Variants in CTNNBL1 observed in about 807,000 individuals in gnomAD.
CTNNBL1 encodes catenin beta like 1.
A neutral mutation model predicts 72.7 loss-of-function variants in CTNNBL1; 31 were observed. The ratio of observed to expected loss-of-function variants is 0.43; its 90% CI spans 0.32 to 0.58. The LOEUF (loss-of-function observed/expected upper bound fraction) is 0.58. Ranked by LOEUF, CTNNBL1 falls within the 20% of genes least tolerant of loss-of-function variation. The pLI is 0.08. For synonymous variants in CTNNBL1, 240 were observed against 267.3 expected (o/e 0.90, Z 1.00); for missense variants, 534 against 725.1 (o/e 0.74, Z 3.03).
intron 11 of CTNNBL1, among the ~76,000 whole-genome samples, chr20:37,830,879 G>A (rs976714488): frequency 4.9e-4 from 74 of 152,274 alleles, no homozygotes; most frequent in African/African-American, 1.8e-3. Flanking sequence ...GAAAGTGAAA[G>A]AATGGTTGCA....
intron 10 of CTNNBL1, among the ~76,000 whole-genome samples, chr20:37,786,657 C>G (rs2073677668): frequency 6.6e-6 from 1 of 151,922 alleles, no homozygotes; most frequent in Non-Finnish European, 1.5e-5. Context: ...ATACCTTTCC[C>G]CCGCCTTTAA....
At chr20:37,733,513 A>G (rs1219060053) in intron 2 of CTNNBL1, among the ~76,000 whole-genome samples, 1 of 152,184 alleles carries the variant, frequency 6.6e-6, no homozygotes. Flanking sequence ...CAGCTTAGGG[A>G]AGGAGATTCC....
chr20:37,870,613 C>A (rs2072575980), intron 15 of CTNNBL1, among the ~76,000 whole-genome samples: 1 of 152,226 alleles, frequency 6.6e-6, no homozygotes, highest in Non-Finnish European at 1.5e-5. Context: ...CCTGCCCAAT[C>A]CAGGCCACTG....
At chr20:37,789,750 T>G (rs1293470708) in intron 10 of CTNNBL1, among the ~76,000 whole-genome samples, 1 of 152,242 alleles carries the variant, frequency 6.6e-6, no homozygotes, top group Non-Finnish European at 1.5e-5. Flanking sequence ...TTTAACAGTA[T>G]GTCCTTGTAT....
At chr20:37,760,276 TAC>T (rs1334268263) in intron 5 of CTNNBL1, among the ~76,000 whole-genome samples, 5 of 152,204 alleles carry the variant, frequency 3.3e-5, no homozygotes, top group African/African-American at 9.7e-5. Context: ...ATGATTAAAT[TAC>T]AGTCATTTTT....
chr20:37,759,626 A>G (rs924385254), intron 5 of CTNNBL1, among the ~76,000 whole-genome samples: 2 of 152,080 alleles, frequency 1.3e-5, no homozygotes, highest in African/African-American at 4.8e-5. Flanking sequence ...TTTAGTTTTT[A>G]TTTTTATTAT....
At chr20:37,793,853 G>A (rs900443574) in intron 10 of CTNNBL1, among the ~76,000 whole-genome samples, 5 of 151,318 alleles carry the variant, frequency 3.3e-5, no homozygotes, top group Admixed American at 1.3e-4. Flanking sequence ...TGATCTCAGC[G>A]CACTGCAACC....
chr20:37,844,351 C>T (rs1160123471), intron 13 of CTNNBL1, among the ~76,000 whole-genome samples: 1 of 152,130 alleles, frequency 6.6e-6, no homozygotes, highest in African/African-American at 2.4e-5. Context: ...GTGATACTAG[C>T]CAAGGTGATC....
intron 11 of CTNNBL1, among the ~76,000 whole-genome samples, chr20:37,831,768 A>C (rs2072212125): frequency 6.6e-6 from 1 of 152,188 alleles, no homozygotes; most frequent in African/African-American, 2.4e-5. Flanking sequence ...TGCCTGGCAC[A>C]TAGTTGGTAC....
At chr20:37,817,645 C>T (rs542644606) in intron 11 of CTNNBL1, among the ~76,000 whole-genome samples, 2 of 152,274 alleles carry the variant, frequency 1.3e-5, no homozygotes, top group East Asian at 1.9e-4. Context: ...ATATCACAGA[C>T]GAATCACCTG....
chr20:37,737,774 G>A (rs1020958940), intron 3 of CTNNBL1, among the ~76,000 whole-genome samples: 1 of 152,204 alleles, frequency 6.6e-6, no homozygotes, highest in Non-Finnish European at 1.5e-5. Flanking sequence ...CCCAGTGGGT[G>A]GGATTATACA....
intron 11 of CTNNBL1, among the ~76,000 whole-genome samples, chr20:37,814,364 C>T (rs889970215): frequency 1.3e-5 from 2 of 152,158 alleles, no homozygotes; most frequent in African/African-American, 4.8e-5. Context: ...CTCCCTGGCT[C>T]ACTTTGTGTG....
intron 1 of CTNNBL1, among the ~76,000 whole-genome samples, chr20:37,724,393 T>A (rs919872754): frequency 4.6e-5 from 7 of 152,172 alleles, no homozygotes; most frequent in African/African-American, 1.7e-4. Flanking sequence ...TGAGCGAGAC[T>A]AGAAATGTTT....
In CTNNBL1 at chr20:37,770,266, C is replaced by T. The variant is rs61018742; in HGVS notation, c.750+2222C>T. Among the ~76,000 whole-genome samples the T allele has an allele frequency of 6.3e-3, 963 of 152,302 alleles. 10 individuals are homozygous for T. Among genetic ancestry groups the T allele is most frequent in the African/African-American group, 0.022 (920 of 41,560 alleles). On this transcript the variant is annotated intron_variant, in intron 7 of 15. Coordinates refer to ENST00000361383, the MANE Select transcript of CTNNBL1 (RefSeq NM_030877.5). ...TACATCTCTCTAAACTCCGTTTCTT[C>T]TTTCCTCAGTATTCAACACATTTTT...
intron 15 of CTNNBL1, among the ~76,000 whole-genome samples, chr20:37,867,761 G>A (rs1029167034): frequency 6.6e-6 from 1 of 152,080 alleles, no homozygotes; most frequent in Non-Finnish European, 1.5e-5. Flanking sequence ...AAGACCTCTG[G>A]GAGGACTCTG....
chr20:37,724,908 C>CTTTT (rs748038781), intron 1 of CTNNBL1, among the ~76,000 whole-genome samples: 7 of 122,382 alleles, frequency 5.7e-5, no homozygotes, highest in Non-Finnish European at 8.7e-5. Context: ...TCCTGTCAAT[C>CTTTT]TTTTTTTTTT....
chr20:37,775,296 T>C lies in CTNNBL1; in HGVS notation c.751-2049T>C, dbSNP rs181281303. On this transcript the variant is annotated intron_variant, in intron 7 of 15. Transcript: ENST00000361383. ...TAAACCTTAGGATCAGATTGAACGC[T>C]ACGACCATCATTCTGATTTCACATC... Among the ~76,000 whole-genome samples, 495 of 152,342 alleles carry C rather than the reference T, an allele frequency of 3.2e-3. 7 individuals are homozygous for C. Among genetic ancestry groups the C allele is most frequent in the African/African-American group, 0.011 (446 of 41,582 alleles).
At chr20:37,854,778 AG>A (rs1324862769) in intron 13 of CTNNBL1, among the ~76,000 whole-genome samples, 1 of 151,844 alleles carries the variant, frequency 6.6e-6, no homozygotes, top group Non-Finnish European at 1.5e-5. Flanking sequence ...TAGTAGAAAC[AG>A]GGTTTCGCCA....
At chr20:37,740,429 C>T (rs1357887708) in intron 3 of CTNNBL1, among the ~76,000 whole-genome samples, 1 of 152,178 alleles carries the variant, frequency 6.6e-6, no homozygotes, top group African/African-American at 2.4e-5. Context: ...AAATGCCTCT[C>T]TTCATTTGAC....
Sources: allele counts gnomAD v4.1 joint callset (sites outside exome capture counted in the v4.1 genomes callset), GRCh38; gene constraint gnomAD v4.1.1; transcripts MANE v1.5; gene names NCBI Gene and HGNC (gene_info 2026-07-23, HGNC 2026-07-21).